The following LUZP2 variants were observed in gnomAD, a reference collection of about 807,000 sequenced individuals.
LUZP2 encodes leucine zipper protein 2.
In LUZP2, 52 loss-of-function variants were observed where a neutral mutation model predicts 51.6. The observed-to-expected ratio is 1.01, with a 90% CI of 0.81 to 1.27. LUZP2 has a LOEUF of 1.27. Among genes scored for constraint, LUZP2 ranks in the 50% most tolerant of loss-of-function variants. LUZP2 has a pLI of 0.00. For missense variants in LUZP2, 436 were observed against 395.4 expected (o/e 1.10, Z -0.87); for synonymous variants, 154 against 137.3 (o/e 1.12, Z -0.85).
intron 10 of LUZP2, among the ~76,000 whole-genome samples, chr11:25,061,475 C>A (rs1208545019): frequency 2.0e-5 from 3 of 152,118 alleles, no homozygotes; most frequent in African/African-American, 7.2e-5. Flanking sequence ...AATTTACAGA[C>A]CCAGCTGTGT....
chr11:25,008,865 G>T (rs919463166), intron 9 of LUZP2, among the ~76,000 whole-genome samples: 4 of 152,126 alleles, frequency 2.6e-5, no homozygotes, highest in Admixed American at 6.6e-5. Context: ...CCATGGGCGG[G>T]CCTGGGAAAA....
chr11:25,023,845 A>C (rs1361524887), intron 9 of LUZP2, among the ~76,000 whole-genome samples: 1 of 152,064 alleles, frequency 6.6e-6, no homozygotes, highest in Non-Finnish European at 1.5e-5. Flanking sequence ...CTTTGTTCTC[A>C]TTGGTTACAA....
chr11:24,591,759 A>T (rs1017088289), intron 1 of LUZP2, among the ~76,000 whole-genome samples: 1 of 152,200 alleles, frequency 6.6e-6, no homozygotes, highest in African/African-American at 2.4e-5. Flanking sequence ...CCATTCTATG[A>T]AGTTGAATGC....
intron 5 of LUZP2, among the ~76,000 whole-genome samples, chr11:24,791,788 T>C (rs535133021): frequency 6.6e-6 from 1 of 152,270 alleles, no homozygotes; most frequent in Non-Finnish European, 1.5e-5. Flanking sequence ...TGTAGACCTG[T>C]TATTTACAGA....
chr11:24,900,693 A>G (rs986764291), intron 5 of LUZP2, among the ~76,000 whole-genome samples: 15 of 152,256 alleles, frequency 9.9e-5, no homozygotes, highest in African/African-American at 3.6e-4. Flanking sequence ...TGTTAAAACC[A>G]TGTTCAAACA....
intron 1 of LUZP2, among the ~76,000 whole-genome samples, chr11:24,503,478 G>T (rs1050619352): frequency 1.3e-5 from 2 of 152,162 alleles, no homozygotes; most frequent in Admixed American, 1.3e-4. Context: ...TGTTCTCTGA[G>T]GATTCTTTCG....
intron 5 of LUZP2, among the ~76,000 whole-genome samples, chr11:24,904,546 G>A (rs1046539245): frequency 5.9e-5 from 9 of 152,006 alleles, no homozygotes; most frequent in African/African-American, 2.4e-5. Flanking sequence ...GCCTCCCAAA[G>A]TGCTGGGATT....
At chr11:25,015,570 T>C (rs761838697) in intron 9 of LUZP2, among the ~76,000 whole-genome samples, 30 of 152,142 alleles carry the variant, frequency 2.0e-4, no homozygotes, top group Admixed American at 1.8e-3. Flanking sequence ...AGTAGTGAGA[T>C]ATTTTATAGA....
intron 5 of LUZP2, among the ~76,000 whole-genome samples, chr11:24,865,295 C>G (rs1374207803): frequency 1.3e-5 from 2 of 152,160 alleles, no homozygotes; most frequent in African/African-American, 4.8e-5. Flanking sequence ...ATGTTAACCA[C>G]TATTTTTGTT....
At position 24,732,193 on chromosome 11, in the gene LUZP2, G is replaced by C. The variant is rs1343574416; in HGVS notation, c.251+5G>C. 2.5e-6 allele frequency: 4 copies of C among 1,596,680 alleles called. No individual in the cohort carries two copies. The highest frequency in any genetic ancestry group is 3.4e-6 in the Non-Finnish European group (4 of 1,171,126). ...GGAATTAGGACAGAAACAAAGGTAA[G>C]ACTTTTCTTTTTTTCTTAGTTATTT... On this transcript the variant is annotated splice_donor_5th_base_variant and intron_variant, in intron 3 of 11. Coordinates refer to ENST00000336930, the MANE Select transcript of LUZP2 (RefSeq NM_001009909.4).
intron 5 of LUZP2, chr11:24,891,672 C>T (rs1852857759): frequency 1.3e-5 from 10 of 764,196 alleles, no homozygotes; most frequent in East Asian, 1.3e-4. Context: ...TCAGGAATAA[C>T]ACTGTACTTG....
chr11:24,692,503 C>T (rs919185950), intron 1 of LUZP2, among the ~76,000 whole-genome samples: 1 of 151,998 alleles, frequency 6.6e-6, no homozygotes, highest in Non-Finnish European at 1.5e-5. Context: ...TTTCTGTTCA[C>T]TGTAAAAAGA....
intron 1 of LUZP2, among the ~76,000 whole-genome samples, chr11:24,639,642 G>A (rs1469121620): frequency 6.6e-6 from 1 of 151,656 alleles, no homozygotes; most frequent in South Asian, 2.1e-4. Flanking sequence ...GTAGAGACAG[G>A]GTTTCACCAC....
chr11:25,046,163 A>C (rs1038334494), intron 9 of LUZP2, among the ~76,000 whole-genome samples: 7 of 151,900 alleles, frequency 4.6e-5, no homozygotes, highest in African/African-American at 1.4e-4. Flanking sequence ...TGAATTGGTC[A>C]GGAAATTAAA....
At chr11:24,510,763 TA>T (rs1239190548) in intron 1 of LUZP2, among the ~76,000 whole-genome samples, 1 of 152,234 alleles carries the variant, frequency 6.6e-6, no homozygotes, top group East Asian at 1.9e-4. Flanking sequence ...AATTCATTTT[TA>T]AAAATTCTAA....
chr11:24,931,923 T>C (rs1377245730), intron 7 of LUZP2, among the ~76,000 whole-genome samples: 1 of 152,218 alleles, frequency 6.6e-6, no homozygotes, highest in East Asian at 1.9e-4. Flanking sequence ...GGGGTTACTG[T>C]TCAGATGATT....
intron 1 of LUZP2, among the ~76,000 whole-genome samples, chr11:24,593,636 C>T (rs958479645): frequency 4.6e-5 from 7 of 152,182 alleles, no homozygotes; most frequent in African/African-American, 1.7e-4. Flanking sequence ...GCTGTTTAGT[C>T]ACCCACTGCA....
At position 24,571,662 on chromosome 11, in the gene LUZP2, T is replaced by C. The variant is rs1209739622; in HGVS notation, c.62+74357T>C. On this transcript the variant is annotated intron_variant, in intron 1 of 11. Coordinates refer to ENST00000336930, the MANE Select transcript of LUZP2 (RefSeq NM_001009909.4). ...GTATGGAAAAAGCAACATGGTCAAA[T>C]GACTTAATCGCTTAAGAATATCTAA... 2.6e-5 allele frequency among the ~76,000 whole-genome samples: 4 copies of C among 152,110 alleles called. 1 individual carries two copies. In the South Asian group the frequency reaches 8.3e-4, roughly 31 times the overall value.
chr11:24,883,710 A>T (rs539865360), intron 5 of LUZP2, among the ~76,000 whole-genome samples: 1 of 152,164 alleles, frequency 6.6e-6, no homozygotes, highest in East Asian at 1.9e-4. Flanking sequence ...TGTTTTATTT[A>T]CTGACTAGCA....
Sources: gnomAD v4.1 joint callset for allele counts (sites outside exome capture counted in the v4.1 genomes callset) on GRCh38, gnomAD v4.1.1 for gene constraint, MANE v1.5 for transcripts, NCBI Gene and HGNC (gene_info 2026-07-23, HGNC 2026-07-21) for gene names.